Variants in DGKD observed in about 807,000 individuals in gnomAD.
DGKD encodes the protein diacylglycerol kinase delta.
DGKD carries 68 observed loss-of-function variants against 154.4 expected under a neutral mutation model. The observed-to-expected ratio is 0.44, with a 90% CI of 0.36 to 0.54. The LOEUF is 0.54. Ranked by LOEUF, DGKD falls within the 20% of genes least tolerant of loss-of-function variation. The probability of loss-of-function intolerance (pLI) is 0.00; values close to 1 mark genes in which losing one functional copy is unlikely to be tolerated. For missense variants in DGKD, 1,343 were observed against 1,593.6 expected, an observed-to-expected ratio of 0.84 and a Z score of 2.68; for synonymous variants, 693 against 638.0, an observed-to-expected ratio of 1.09 and a Z score of -1.30.
intron 3 of DGKD, among the ~76,000 whole-genome samples, chr2:233,429,916 G>A (rs557220748): frequency 5.9e-5 from 9 of 152,330 alleles, no homozygotes; most frequent in South Asian, 2.1e-4. Flanking sequence ...TCCCCTCTGC[G>A]GTGAAACTTA....
intron 18 of DGKD, among the ~76,000 whole-genome samples, chr2:233,453,017 C>G (rs1243237993): frequency 1.3e-5 from 2 of 152,202 alleles, no homozygotes; most frequent in African/African-American, 4.8e-5. Flanking sequence ...CTCCAGTTCT[C>G]AGCCCTCCTG....
At position 233,432,351 on chromosome 2, in the gene DGKD, T is replaced by C. The variant is rs554240950; in HGVS notation, c.349-2029T>C. On this transcript the variant is annotated intron_variant, in intron 3 of 29. Transcript: ENST00000264057. ...CCCTCCTGGCTAACATGGTGAAACC[T>C]CGTCTCTACTAAAAATACAAAAAAT... Among the ~76,000 whole-genome samples the C allele has an allele frequency of 1.8e-4, 24 of 130,012 alleles. No homozygotes were observed. In the East Asian group the frequency reaches 5.0e-3, roughly 27 times the overall value. The allele number at this position is 130,012 out of a possible 152,430, so 85.3% of individuals were successfully genotyped here. A position where few individuals can be genotyped will look rare whatever the true frequency, so the allele number is the denominator to read the frequency against.
At chr2:233,413,091 T>G (rs2061866933) in intron 3 of DGKD, among the ~76,000 whole-genome samples, 1 of 152,164 alleles carries the variant, frequency 6.6e-6, no homozygotes, top group South Asian at 2.1e-4. Context: ...TGTCAGGTTT[T>G]GGTACTTTAA....
intron 11 of DGKD, 54 bp from the exon 12 acceptor site, chr2:233,446,658 A>G (rs1248673044): frequency 2.5e-6 from 4 of 1,581,776 alleles, no homozygotes; most frequent in Non-Finnish European, 3.5e-6. Flanking sequence ...CGCAGGGTTC[A>G]CCCTTGTGGG....
chr2:233,443,952 A>G (rs779369424), intron 10 of DGKD, among the ~76,000 whole-genome samples: 2 of 151,974 alleles, frequency 1.3e-5, no homozygotes, highest in Non-Finnish European at 2.9e-5. Flanking sequence ...CCTGGCTGCT[A>G]CTGCTCCATG....
intron 1 of DGKD, among the ~76,000 whole-genome samples, chr2:233,357,914 T>C (rs1701604156): frequency 6.6e-6 from 1 of 152,180 alleles, no homozygotes; most frequent in Admixed American, 6.5e-5. Flanking sequence ...AACAAGACCT[T>C]ATGGCACACA....
chr2:233,461,971 G>A (rs1237958884), intron 24 of DGKD, among the ~76,000 whole-genome samples: 1 of 152,234 alleles, frequency 6.6e-6, no homozygotes, highest in East Asian at 1.9e-4. Flanking sequence ...GGACAGACCG[G>A]CCAGTTACAG....
chr2:233,355,239 C>T (rs1574965820), intron 1 of DGKD, among the ~76,000 whole-genome samples: 1 of 152,336 alleles, frequency 6.6e-6, no homozygotes, highest in East Asian at 1.9e-4. Context: ...CGTTCAGTGA[C>T]CGTCTCTCTC....
intron 3 of DGKD, among the ~76,000 whole-genome samples, chr2:233,421,606 G>A (rs912787388): frequency 2.0e-5 from 3 of 151,904 alleles, no homozygotes; most frequent in South Asian, 2.1e-4. Flanking sequence ...CACGCACCAC[G>A]CGCCTGCTTC....
chr2:233,463,143 AGACT>A (rs1299179493), intron 26 of DGKD, among the ~76,000 whole-genome samples: 3 of 152,234 alleles, frequency 2.0e-5, no homozygotes, highest in East Asian at 1.9e-4. Flanking sequence ...GAGGCCTGAG[AGACT>A]GACTGGCCAG....
intron 27 of DGKD, among the ~76,000 whole-genome samples, chr2:233,465,747 A>G (rs1427828673): frequency 6.6e-6 from 1 of 152,216 alleles, no homozygotes; most frequent in Non-Finnish European, 1.5e-5. Flanking sequence ...TGAAAATAAG[A>G]TAACAGAAAA....
intron 1 of DGKD, among the ~76,000 whole-genome samples, chr2:233,361,597 G>A (rs920133720): frequency 6.6e-6 from 1 of 152,138 alleles, no homozygotes. Flanking sequence ...GAGGAGACAC[G>A]AGATCAGATG....
chr2:233,440,075 C>A lies in DGKD; in HGVS notation c.1085+1696C>A, dbSNP rs1358148807. Among the ~76,000 whole-genome samples the A allele has an allele frequency of 6.6e-6, 1 of 152,096 alleles. No individual in the cohort carries two copies. Among genetic ancestry groups the A allele is most frequent in the Admixed American group, 6.5e-5 (1 of 15,270 alleles). On this transcript the variant is annotated intron_variant, in intron 9 of 29. Transcript: ENST00000264057. The surrounding 1 kb of genome is among the most constrained non-coding windows in gnomAD (Gnocchi z 4.9). The stretch of plus-strand genomic sequence containing the variant: ...CGAAATATTCATTTTGGTGTGCAAG[C>A]AAAACCCCATGTTTCGTAGTGGGAG...
intron 3 of DGKD, among the ~76,000 whole-genome samples, chr2:233,424,227 T>G (rs865787051): frequency 2.0e-5 from 3 of 152,308 alleles, no homozygotes; most frequent in Middle Eastern, 3.4e-3. Context: ...TTTGATCTTT[T>G]TTGTCATTTA....
intron 1 of DGKD, among the ~76,000 whole-genome samples, chr2:233,358,505 T>C (rs933542976): frequency 1.3e-5 from 2 of 152,228 alleles, no homozygotes; most frequent in African/African-American, 4.8e-5. Context: ...GTTGTTAGTA[T>C]ATTCGCTGTT....
At chr2:233,456,701 A>G (rs1169707681) in intron 19 of DGKD, among the ~76,000 whole-genome samples, 198 bp from the exon 20 acceptor site, 1 of 152,180 alleles carries the variant, frequency 6.6e-6, no homozygotes, top group African/African-American at 2.4e-5. Flanking sequence ...ATTGAGCAAA[A>G]TTTCCTATTG....
chr2:233,439,216 G>T (rs1186181751), intron 9 of DGKD, among the ~76,000 whole-genome samples: 1 of 152,230 alleles, frequency 6.6e-6, no homozygotes, highest in East Asian at 1.9e-4. Flanking sequence ...GTAGTGGGAA[G>T]TGCCTGCAGA....
At chr2:233,364,534 T>G (rs933288792) in intron 1 of DGKD, among the ~76,000 whole-genome samples, 8 of 152,212 alleles carry the variant, frequency 5.3e-5, no homozygotes, top group Admixed American at 4.6e-4. Context: ...CTAAAGTCTT[T>G]CCATTTCCAG....
At chr2:233,387,822 A>C (rs1703287656) in intron 1 of DGKD, among the ~76,000 whole-genome samples, 1 of 152,206 alleles carries the variant, frequency 6.6e-6, no homozygotes, top group Non-Finnish European at 1.5e-5. Flanking sequence ...CTTTGGCAGC[A>C]GCATCCTGAG....
Sources: allele counts gnomAD v4.1 joint callset (sites outside exome capture counted in the v4.1 genomes callset), GRCh38; gene constraint gnomAD v4.1.1; non-coding constraint Gnocchi (gnomAD v3.1); transcripts MANE v1.5; gene names NCBI Gene and HGNC (gene_info 2026-07-23, HGNC 2026-07-21).